NEURL1B: variants seen among roughly 807,000 people sequenced by gnomAD.
The protein encoded by NEURL1B is E3 ubiquitin-protein ligase NEURL1B.
NEURL1B carries 13 observed loss-of-function variants against 37.4 expected under a neutral mutation model. The observed-to-expected ratio is 0.35, with a 90% CI of 0.23 to 0.55. The LOEUF (loss-of-function observed/expected upper bound fraction) is 0.55, where lower values mean the gene tolerates loss of function less well. Among genes scored for constraint, NEURL1B ranks in the 20% least tolerant of loss-of-function variants. The probability of loss-of-function intolerance (pLI) is 0.89; values close to 1 mark genes in which losing one functional copy is unlikely to be tolerated. For missense variants in NEURL1B, 790 were observed against 879.2 expected (o/e 0.90, Z 1.28); for synonymous variants, 432 against 426.6 (o/e 1.01, Z -0.16).
At chr5:172,672,093 A>T (rs1758139688) in intron 2 of NEURL1B, among the ~76,000 whole-genome samples, 1 of 152,260 alleles carries the variant, frequency 6.6e-6, no homozygotes, top group South Asian at 2.1e-4. Context: ...ACAGTTCCTG[A>T]CACAGAGAAG....
intron 1 of NEURL1B, among the ~76,000 whole-genome samples, chr5:172,658,480 C>A (rs1310764616): frequency 1.3e-5 from 2 of 152,146 alleles, no homozygotes; most frequent in Admixed American, 6.5e-5. Flanking sequence ...CAGAGAAGGA[C>A]GAGACACGCA....
chr5:172,686,294 T>C lies in NEURL1B; in HGVS notation c.1421T>C (p.Leu474Pro). The change falls in exon 4 of 5, where the codon CTG (leucine) becomes CCG (proline). Residue 474 changes from leucine (L) to proline (P), a missense_variant and splice_region_variant. Leu to Pro is a moderately conservative substitution (Grantham distance 98). Transcript: ENST00000369800. The surrounding 1 kb of genome is among the most constrained non-coding windows in gnomAD (Gnocchi z 7.9). Reference sequence around the variant, plus strand: ...TCCTCCTCGGCATCTGAGTCATCCCTGGGTAAGGAAATGCAAACCCTGGCA... The same window carrying C: ...TCCTCCTCGGCATCTGAGTCATCCCCGGGTAAGGAAATGCAAACCCTGGCA... ...NQSSSASESS[L>P]VTAPSSPLSP... 1 of 1,551,658 alleles carries C rather than the reference T, an allele frequency of 6.4e-7. No individual in the cohort carries two copies. Among genetic ancestry groups the C allele is most frequent in the Non-Finnish European group, 8.7e-7 (1 of 1,146,956 alleles).
chr5:172,682,502 G>C (rs1758374744), intron 2 of NEURL1B, among the ~76,000 whole-genome samples: 1 of 152,208 alleles, frequency 6.6e-6, no homozygotes, highest in Non-Finnish European at 1.5e-5. Flanking sequence ...CTTGAACCCA[G>C]GAGGCAGAGG....
chr5:172,674,929 G>A (rs1418506668), intron 2 of NEURL1B, among the ~76,000 whole-genome samples: 1 of 152,150 alleles, frequency 6.6e-6, no homozygotes, highest in African/African-American at 2.4e-5. Context: ...GAGAGCTGTG[G>A]CGCAATCTTG....
In NEURL1B at chr5:172,686,353, G is replaced by A. The variant is rs1047400342; in HGVS notation, c.1423+57G>A. 2.7e-5 allele frequency: 41 copies of A among 1,529,180 alleles called. No homozygotes were observed. Among genetic ancestry groups the A allele is most frequent in the Middle Eastern group, 1.7e-4 (1 of 5,944 alleles). 94.7% of individuals were successfully genotyped at this position (1,529,180 alleles called of 1,614,324 possible). A position where few individuals can be genotyped will look rare whatever the true frequency, so the allele number is the denominator to read the frequency against. On this transcript the variant is annotated intron_variant, in intron 4 of 4. Coordinates refer to ENST00000369800, the MANE Select transcript of NEURL1B (RefSeq NM_001142651.3). This position sits in a 1 kb window ranked among gnomAD's most constrained non-coding sequence, Gnocchi z 7.9. ...GGCTGGCGGCTGGCCTGGCTCCTCC[G>A]GCTGTGCCAGTGGCCTTCCAGGGAC... is the stretch of plus-strand genomic sequence containing the variant.
rs550763599 is a variant in NEURL1B at position 172,641,690 on chromosome 5, G to T, written c.31+253G>T. Among the ~76,000 whole-genome samples the T allele has an allele frequency of 6.6e-6, 1 of 152,186 alleles. No individual in the cohort carries two copies. The highest frequency in any genetic ancestry group is 1.9e-4 in the East Asian group (1 of 5,140). ...CATTCTCCCGGCTTTGGCCAGATGC[G>T]CAAAAAGGGCCGCTGGGGCGATGCC... is the stretch of plus-strand genomic sequence containing the variant. On this transcript the variant is annotated intron_variant, in intron 1 of 4. Transcript: ENST00000369800. The surrounding 1 kb of genome is among the most constrained non-coding windows in gnomAD (Gnocchi z 6.4).
Position 172,683,546 on chromosome 5 carries a change from G to A in NEURL1B, c.705G>A (p.Val235=). ...ACGAGCTCGAGAACAACCAGGTGGT[G>A]GCCAAGCTGGGCCACCTGGCGCTGG... ...DNNELENNQV[V]AKLGHLALGR... The change falls in exon 3 of 5, where the codon GTG becomes GTA. Residue 235 remains valine (V), a synonymous_variant. Coordinates refer to ENST00000369800, the MANE Select transcript of NEURL1B (RefSeq NM_001142651.3). The surrounding 1 kb of genome is among the most constrained non-coding windows in gnomAD (Gnocchi z 5.6). The A allele has an allele frequency of 6.7e-7, 1 of 1,482,040 alleles. No homozygotes were observed. The highest frequency in any genetic ancestry group is 8.9e-7 in the Non-Finnish European group (1 of 1,119,438). The allele number at this position is 1,482,040 out of a possible 1,614,324, so 91.8% of individuals were successfully genotyped here. A position where few individuals can be genotyped will look rare whatever the true frequency, so the allele number is the denominator to read the frequency against.
At chr5:172,667,806 G>A (rs1758044806) in intron 1 of NEURL1B, among the ~76,000 whole-genome samples, 1 of 151,836 alleles carries the variant, frequency 6.6e-6, no homozygotes, top group Admixed American at 6.6e-5. Context: ...TGCATTCAGA[G>A]TAAAATGGTT....
chr5:172,664,797 C>T (rs1442274143), intron 1 of NEURL1B, among the ~76,000 whole-genome samples: 1 of 152,158 alleles, frequency 6.6e-6, no homozygotes, highest in African/African-American at 2.4e-5. Context: ...CTCTAGTTTT[C>T]TTTATCTCAC....
At chr5:172,685,370 A>C (rs1758472769) in intron 3 of NEURL1B, among the ~76,000 whole-genome samples, 1 of 152,188 alleles carries the variant, frequency 6.6e-6, no homozygotes, top group Admixed American at 6.5e-5. Flanking sequence ...GAACCATCAG[A>C]CATAGTCATC....
intron 1 of NEURL1B, among the ~76,000 whole-genome samples, chr5:172,643,575 C>T (rs894057205): frequency 2.6e-5 from 4 of 152,176 alleles, no homozygotes; most frequent in Admixed American, 6.5e-5. Flanking sequence ...TGACTCTTTG[C>T]GGTTCCCTGA....
chr5:172,654,660 C>T (rs1212993990), intron 1 of NEURL1B, among the ~76,000 whole-genome samples: 1 of 140,358 alleles, frequency 7.1e-6, no homozygotes, highest in Non-Finnish European at 1.5e-5. Context: ...TATTTTTCTA[C>T]TTTTTTCTGT....
Position 172,670,303 on chromosome 5 carries a change from G to C in NEURL1B, c.550G>C (p.Gly184Arg). ...GCTCTGGGCGCTCATTGATGTCTAC[G>C]GCATCACCGACGAGGTGCAGCTTCT... ...GPLWALIDVY[G>R]ITDEVQLLES... Residue 184 changes from glycine (G) to arginine (R), a missense_variant, in exon 2 of 5, where the codon GGC (glycine) becomes CGC (arginine). By Grantham distance (125) the Gly-to-Arg change is moderately radical. Coordinates refer to ENST00000369800, the MANE Select transcript of NEURL1B (RefSeq NM_001142651.3). The C allele has an allele frequency of 7.3e-7, 1 of 1,372,728 alleles. No individual in the cohort carries two copies. Among genetic ancestry groups the C allele is most frequent in the Non-Finnish European group, 9.4e-7 (1 of 1,067,252 alleles). 85.0% of individuals were successfully genotyped at this position (1,372,728 alleles called of 1,614,324 possible).
chr5:172,649,259 T>G (rs77666039), intron 1 of NEURL1B, among the ~76,000 whole-genome samples: 2,449 of 151,506 alleles, frequency 0.016, 67 homozygotes, highest in African/African-American at 0.056. Flanking sequence ...AGATGAATTA[T>G]CCACGAAGAC....
chr5:172,651,980 G>A lies in NEURL1B; in HGVS notation c.31+10543G>A, dbSNP rs576558027. On this transcript the variant is annotated intron_variant, in intron 1 of 4. Coordinates refer to ENST00000369800, the MANE Select transcript of NEURL1B (RefSeq NM_001142651.3). ...AACACAAGTGCCACTCCAGTTATTC[G>A]GCGGAGTGTCCAGTAAAGGTCCACC... Among the ~76,000 whole-genome samples, 23 of 152,328 alleles carry A rather than the reference G, an allele frequency of 1.5e-4. No individual in the cohort carries two copies. The South Asian group carries it at 2.9e-3, about 19-fold the overall frequency.
chr5:172,668,900 G>T (rs1245589343), intron 1 of NEURL1B, among the ~76,000 whole-genome samples: 1 of 152,136 alleles, frequency 6.6e-6, no homozygotes, highest in Non-Finnish European at 1.5e-5. Flanking sequence ...GATTCCCCAG[G>T]TCCTTCAGAG....
intron 1 of NEURL1B, among the ~76,000 whole-genome samples, chr5:172,645,397 A>G (rs1757541875): frequency 6.6e-6 from 1 of 152,118 alleles, no homozygotes; most frequent in African/African-American, 2.4e-5. Flanking sequence ...GGCCATGTGG[A>G]TGCTGAGCCT....
At chr5:172,684,198 C>G (rs542564867) in intron 3 of NEURL1B, 60 bp downstream of exon 3, 1 of 1,144,124 alleles carries the variant, frequency 8.7e-7, no homozygotes, top group Admixed American at 4.5e-5. Context: ...TGCCGTCTCA[C>G]CCCGCTGCGC....
At chr5:172,681,332 T>C (rs1470558241) in intron 2 of NEURL1B, among the ~76,000 whole-genome samples, 3 of 152,218 alleles carry the variant, frequency 2.0e-5, no homozygotes, top group Non-Finnish European at 4.4e-5. Context: ...ATAATTACTA[T>C]TAATATTTTG....
Sources: gnomAD v4.1 joint callset for allele counts (sites outside exome capture counted in the v4.1 genomes callset) on GRCh38, gnomAD v4.1.1 for gene constraint, Gnocchi (gnomAD v3.1) non-coding constraint, MANE v1.5 for transcripts, NCBI Gene and HGNC (gene_info 2026-07-23, HGNC 2026-07-21) for gene names.